Variants in LRBA observed in about 807,000 individuals in gnomAD.
The protein encoded by LRBA is LPS responsive beige-like anchor protein.
A neutral mutation model predicts 330.0 loss-of-function variants in LRBA; 176 were observed. That is an observed-to-expected ratio of 0.53 (90% CI 0.47 to 0.60). LRBA has a LOEUF of 0.60. Among genes scored for constraint, LRBA ranks in the 20% least tolerant of loss-of-function variants. The pLI is 0.00. For synonymous variants in LRBA, 1,230 were observed against 1,193.0 expected, an observed-to-expected ratio of 1.03 and a Z score of -0.64; for missense variants, 3,259 against 3,444.8, an observed-to-expected ratio of 0.95 and a Z score of 1.35.
chr4:150,978,775 G>C (rs536149062), intron 2 of LRBA, among the ~76,000 whole-genome samples: 24 of 152,226 alleles, frequency 1.6e-4, no homozygotes, highest in Admixed American at 1.6e-3. Flanking sequence ...TAACAGAATT[G>C]ATCAAACAGA....
chr4:150,712,695 C>G (rs117965912), intron 36 of LRBA, among the ~76,000 whole-genome samples: 1 of 152,042 alleles, frequency 6.6e-6, no homozygotes. Flanking sequence ...AATTACGCTA[C>G]GATTACAATT....
intron 34 of LRBA, among the ~76,000 whole-genome samples, chr4:150,789,302 G>C (rs898223696): frequency 3.0e-4 from 46 of 152,038 alleles, no homozygotes; most frequent in African/African-American, 1.1e-3. Flanking sequence ...CTAAATCAAA[G>C]TTCAAGCCTC....
At chr4:150,799,167 C>T (rs548307842) in intron 33 of LRBA, among the ~76,000 whole-genome samples, 2 of 152,264 alleles carry the variant, frequency 1.3e-5, no homozygotes, top group South Asian at 4.1e-4. Context: ...GGGCTGTTCA[C>T]CCCCTTCGTT....
intron 28 of LRBA, among the ~76,000 whole-genome samples, chr4:150,839,690 G>A (rs1431409698): frequency 6.6e-6 from 1 of 152,124 alleles, no homozygotes; most frequent in Non-Finnish European, 1.5e-5. Context: ...TGAACAATGA[G>A]AACACTTGGA....
intron 28 of LRBA, chr4:150,840,987 T>C (rs1439237667): frequency 4.0e-6 from 5 of 1,254,542 alleles, no homozygotes; most frequent in Middle Eastern, 2.2e-4. Flanking sequence ...TTCTTTGACA[T>C]ATTTGTGATC....
chr4:150,634,428 C>G (rs1777685584), intron 37 of LRBA, among the ~76,000 whole-genome samples: 1 of 152,092 alleles, frequency 6.6e-6, no homozygotes, highest in Non-Finnish European at 1.5e-5. Flanking sequence ...TATTCACTGA[C>G]TATTCAATCA....
intron 52 of LRBA, 31 bp from the exon 53 acceptor site, chr4:150,302,823 G>A: frequency 6.6e-7 from 1 of 1,512,080 alleles, no homozygotes; most frequent in Non-Finnish European, 8.9e-7. Context: ...CTTTAAAAAT[G>A]CTATTAAAAA....
chr4:150,590,944 G>T, intron 38 of LRBA, 85 bp from the exon 39 acceptor site: 1 of 1,213,612 alleles, frequency 8.2e-7, no homozygotes, highest in African/African-American at 1.5e-5. Context: ...AAGGGTAGGT[G>T]GCCAAAGATG....
chr4:150,475,872 T>C (rs1335142744), intron 42 of LRBA, among the ~76,000 whole-genome samples: 1 of 150,958 alleles, frequency 6.6e-6, no homozygotes, highest in Non-Finnish European at 1.5e-5. Flanking sequence ...CCAAGTGCAC[T>C]CCAGCCAGGG....
intron 35 of LRBA, among the ~76,000 whole-genome samples, chr4:150,759,672 CT>C (rs146516109): frequency 0.036 from 5,378 of 149,210 alleles, 275 homozygotes; most frequent in African/African-American, 0.12. Flanking sequence ...ATATAACTTA[CT>C]TTTTTTTTTA....
intron 47 of LRBA, among the ~76,000 whole-genome samples, chr4:150,393,804 A>G (rs1010307553): frequency 2.0e-5 from 3 of 152,172 alleles, no homozygotes; most frequent in Non-Finnish European, 4.4e-5. Flanking sequence ...GTTTCTTTAT[A>G]GCATCATTGA....
chr4:150,440,962 A>G (rs1323860221), intron 44 of LRBA, among the ~76,000 whole-genome samples: 1 of 152,122 alleles, frequency 6.6e-6, no homozygotes, highest in South Asian at 2.1e-4. Flanking sequence ...ATCTTTCAAA[A>G]CAGGATATGC....
intron 37 of LRBA, among the ~76,000 whole-genome samples, chr4:150,611,605 A>G (rs908934376): frequency 6.6e-6 from 1 of 152,244 alleles, no homozygotes; most frequent in African/African-American, 2.4e-5. Context: ...TAGAAAATTC[A>G]TAATTTTTCC....
At chr4:150,778,431 C>T (rs1737723791) in intron 34 of LRBA, among the ~76,000 whole-genome samples, 1 of 152,088 alleles carries the variant, frequency 6.6e-6, no homozygotes, top group African/African-American at 2.4e-5. Context: ...TTACTATAAA[C>T]ACATTTTTAA....
chr4:150,581,393 G>A (rs1238348338), intron 40 of LRBA: 2 of 431,906 alleles, frequency 4.6e-6, no homozygotes, highest in African/African-American at 2.0e-5. Flanking sequence ...GGGAGGGGAG[G>A]GGAAGAGAAA....
chr4:150,396,679 T>C (rs959787221), intron 47 of LRBA, among the ~76,000 whole-genome samples: 24 of 152,294 alleles, frequency 1.6e-4, no homozygotes, highest in African/African-American at 5.8e-4. Context: ...TATTGGTTTA[T>C]TTACTAATTA....
intron 2 of LRBA, among the ~76,000 whole-genome samples, chr4:150,991,346 G>A (rs1742061680): frequency 6.6e-6 from 1 of 152,148 alleles, no homozygotes; most frequent in South Asian, 2.1e-4. Flanking sequence ...ACACTCTTCA[G>A]TATTCACCCA....
intron 2 of LRBA, among the ~76,000 whole-genome samples, chr4:150,932,340 T>A (rs1264690699): frequency 4.8e-5 from 7 of 146,596 alleles, no homozygotes; most frequent in Non-Finnish European, 9.0e-5. Context: ...AGAAAATATA[T>A]CTGCTTGTGG....
chr4:150,908,967 G>C (rs959513761), intron 9 of LRBA, 110 bp from the exon 10 acceptor site: 5 of 686,368 alleles, frequency 7.3e-6, no homozygotes, highest in African/African-American at 1.8e-5. Flanking sequence ...TCTTTTAACA[G>C]TATTATATAA....
Sources: allele counts gnomAD v4.1 joint callset (sites outside exome capture counted in the v4.1 genomes callset), GRCh38; gene constraint gnomAD v4.1.1; transcripts MANE v1.5; gene names NCBI Gene and HGNC (gene_info 2026-07-23, HGNC 2026-07-21).